Variants in SAMD8 observed in about 807,000 individuals in gnomAD.
SAMD8 encodes sterile alpha motif domain containing 8.
A neutral mutation model predicts 42.0 loss-of-function variants in SAMD8; 20 were observed. That is an observed-to-expected ratio of 0.48 (90% CI 0.34 to 0.69). The LOEUF (loss-of-function observed/expected upper bound fraction) is 0.69. SAMD8 is among the 30% of genes least tolerant of loss of function. The pLI is 0.01. For synonymous variants in SAMD8, 162 were observed against 173.0 expected (o/e 0.94, Z 0.50); for missense variants, 328 against 511.6 (o/e 0.64, Z 3.46).
chr10:75,153,829 A>G (rs1272211720), intron 2 of SAMD8, among the ~76,000 whole-genome samples: 2 of 151,370 alleles, frequency 1.3e-5, no homozygotes, highest in Non-Finnish European at 2.9e-5. Context: ...CAGTGACACA[A>G]TCTCGGCTCA....
chr10:75,124,631 G>T (rs1055028124), intron 1 of SAMD8, among the ~76,000 whole-genome samples: 23 of 149,530 alleles, frequency 1.5e-4, no homozygotes, highest in Middle Eastern at 3.5e-3. Flanking sequence ...AAAAAAAAAG[G>T]TACCTGTCAG....
At chr10:75,164,386 C>CTTT (rs201084641) in intron 2 of SAMD8, 172 of 269,524 alleles carry the variant, frequency 6.4e-4, no homozygotes, top group African/African-American at 3.1e-3. Context: ...GTTGCCACTT[C>CTTT]TTTTTTTTTT....
intron 1 of SAMD8, among the ~76,000 whole-genome samples, chr10:75,137,920 T>G (rs752256607): frequency 1.3e-5 from 2 of 152,242 alleles, no homozygotes; most frequent in Non-Finnish European, 2.9e-5. Flanking sequence ...GTATCTGTTA[T>G]GCAGGTATTA....
rs76838627 is a variant in SAMD8 at position 75,118,095 on chromosome 10, C to T, written c.-16+6373C>T. Among the ~76,000 whole-genome samples, 837 of 152,164 alleles carry T rather than the reference C, an allele frequency of 5.5e-3. 5 individuals are homozygous for T. The highest frequency in any genetic ancestry group is 0.019 in the African/African-American group (779 of 41,486). On this transcript the variant is annotated intron_variant, in intron 1 of 5. Coordinates refer to ENST00000542569, the MANE Select transcript of SAMD8 (RefSeq NM_001174156.2). ...TTTTGAGTGAAATTATAAGAGTTCA[C>T]GGTTAGAGCAGCAAAAAAGTCCAAG...
At chr10:75,101,212 C>T (rs1354588656) in intron 1 of SAMD8, among the ~76,000 whole-genome samples, 3 of 152,162 alleles carry the variant, frequency 2.0e-5, no homozygotes, top group African/African-American at 7.2e-5. Flanking sequence ...CTGGTACTTG[C>T]AGCTATGTGG....
chr10:75,164,689 G>T lies in SAMD8; in HGVS notation c.623G>T (p.Gly208Val). 6.2e-7 allele frequency: 1 copy of T among 1,614,086 alleles called. No individual in the cohort carries two copies. Among genetic ancestry groups the T allele is most frequent in the South Asian group, 1.1e-5 (1 of 91,082 alleles). ...PWAFAMTEVC[G>V]MILCYIWLLV... ...GCCTTTGCCATGACGGAAGTATGTG[G>T]CATGATTCTGTGCTATATTTGGCTC... The change falls in exon 3 of 6, where the codon GGC becomes GTC. Residue 208 changes from glycine (G) to valine (V), a missense_variant. Coordinates refer to ENST00000542569, the MANE Select transcript of SAMD8 (RefSeq NM_001174156.2).
chr10:75,150,307 G>T, intron 1 of SAMD8: 39 of 184,024 alleles, frequency 2.1e-4, no homozygotes, highest in Non-Finnish European at 3.3e-4. Flanking sequence ...TTTTGGTAGA[G>T]ATAGGATCTT....
At position 75,131,798 on chromosome 10, in the gene SAMD8, G is replaced by A. The variant is rs1412994869; in HGVS notation, c.-15-18716G>A. ...TGAATTTGTTGTCGAAATTCTTGGA[G>A]TTTAATTTCAACACCAATATTAACT... On this transcript the variant is annotated intron_variant, in intron 1 of 5. Transcript: ENST00000542569. Among the ~76,000 whole-genome samples, 8 of 152,286 alleles carry A rather than the reference G, an allele frequency of 5.3e-5. No individual in the cohort carries two copies. In the Middle Eastern group the frequency reaches 0.02, roughly 388 times the overall value.
chr10:75,105,883 C>T (rs1005258245), intron 1 of SAMD8: 2 of 1,544,764 alleles, frequency 1.3e-6, no homozygotes, highest in African/African-American at 2.7e-5. Context: ...GGAAGACATC[C>T]TGGTGAAAAA....
intron 4 of SAMD8, 102 bp from the exon 5 acceptor site, chr10:75,175,964 A>G: frequency 6.6e-7 from 1 of 1,522,928 alleles, no homozygotes; most frequent in Admixed American, 2.2e-5. Context: ...CTTAGATCTT[A>G]TTTCTAAGTT....
At chr10:75,144,219 G>A (rs990986271) in intron 1 of SAMD8, among the ~76,000 whole-genome samples, 9 of 151,828 alleles carry the variant, frequency 5.9e-5, no homozygotes, top group African/African-American at 1.2e-4. Context: ...CGCCTACCTC[G>A]GCCTCCCAAA....
At chr10:75,134,913 T>C (rs1194584406) in intron 1 of SAMD8, among the ~76,000 whole-genome samples, 1 of 151,346 alleles carries the variant, frequency 6.6e-6, no homozygotes, top group Non-Finnish European at 1.5e-5. Flanking sequence ...AAAAAAAAAT[T>C]AGCCAAGCAT....
At chr10:75,138,992 C>G (rs1175469683) in intron 1 of SAMD8, among the ~76,000 whole-genome samples, 1 of 145,778 alleles carries the variant, frequency 6.9e-6, no homozygotes, top group African/African-American at 2.5e-5. Context: ...CGGAGTTTCG[C>G]TCTTGCTGCC....
At chr10:75,120,755 G>A (rs973140815) in intron 1 of SAMD8, among the ~76,000 whole-genome samples, 2 of 134,380 alleles carry the variant, frequency 1.5e-5, no homozygotes, top group Non-Finnish European at 3.2e-5. Flanking sequence ...ACGTTGTTAT[G>A]TTGAAAAGTA....
intron 2 of SAMD8, among the ~76,000 whole-genome samples, chr10:75,162,588 G>A (rs368169672): frequency 3.1e-4 from 46 of 147,990 alleles, no homozygotes; most frequent in African/African-American, 1.1e-3. Context: ...GGCGGAGGTT[G>A]TGGTGAGCCG....
chr10:75,103,646 G>A (rs1221196799), intron 1 of SAMD8, among the ~76,000 whole-genome samples: 1 of 152,204 alleles, frequency 6.6e-6, no homozygotes, highest in Non-Finnish European at 1.5e-5. Context: ...GGTGGGAACA[G>A]GGCACACCCA....
At chr10:75,145,948 G>A (rs1840120519) in intron 1 of SAMD8, among the ~76,000 whole-genome samples, 1 of 152,160 alleles carries the variant, frequency 6.6e-6, no homozygotes, top group East Asian at 1.9e-4. Context: ...CAATTGGGTG[G>A]TCTTTCCTTG....
intron 1 of SAMD8, among the ~76,000 whole-genome samples, chr10:75,148,676 T>C (rs1173062377): frequency 6.6e-6 from 1 of 152,170 alleles, no homozygotes; most frequent in Non-Finnish European, 1.5e-5. Flanking sequence ...TTAACTTTGC[T>C]TGTTGTAAGG....
At chr10:75,140,438 C>G (rs1839986776) in intron 1 of SAMD8, among the ~76,000 whole-genome samples, 1 of 152,188 alleles carries the variant, frequency 6.6e-6, no homozygotes, top group South Asian at 2.1e-4. Context: ...TCCTAATGAC[C>G]TATGCTTTTG....
Sources: gnomAD v4.1 joint callset for allele counts (sites outside exome capture counted in the v4.1 genomes callset) on GRCh38, gnomAD v4.1.1 for gene constraint, MANE v1.5 for transcripts, NCBI Gene and HGNC (gene_info 2026-07-23, HGNC 2026-07-21) for gene names.